PALS1: variants seen among roughly 807,000 people sequenced by gnomAD.
PALS1 encodes the protein protein PALS1.
A neutral mutation model predicts 78.9 loss-of-function variants in PALS1; 31 were observed. The observed-to-expected ratio is 0.39, with a 90% CI of 0.30 to 0.53. The LOEUF is 0.53. Ranked by LOEUF, PALS1 falls within the 20% of genes least tolerant of loss-of-function variation. PALS1 has a pLI of 0.67. For missense variants in PALS1, 704 were observed against 826.5 expected (o/e 0.85, Z 1.82); for synonymous variants, 276 against 270.9 (o/e 1.02, Z -0.18).
intron 1 of PALS1, among the ~76,000 whole-genome samples, chr14:67,268,726 G>A (rs926957185): frequency 1.6e-4 from 24 of 152,086 alleles, no homozygotes; most frequent in African/African-American, 2.2e-4. Flanking sequence ...GATTTGCCTC[G>A]CTTCTTTACC....
chr14:67,330,544 T>C (rs377093493), intron 14 of PALS1, among the ~76,000 whole-genome samples: 2 of 150,198 alleles, frequency 1.3e-5, no homozygotes, highest in African/African-American at 2.5e-5. Context: ...CTGCAACCTC[T>C]GCCTCCCGGG....
intron 14 of PALS1, among the ~76,000 whole-genome samples, chr14:67,332,244 T>C (rs953905107): frequency 2.0e-5 from 3 of 152,198 alleles, no homozygotes; most frequent in African/African-American, 7.2e-5. Flanking sequence ...AATGGCCCTT[T>C]CCTTCAGTCA....
At chr14:67,329,234 T>A (rs374733741) in intron 14 of PALS1, among the ~76,000 whole-genome samples, 1 of 152,132 alleles carries the variant, frequency 6.6e-6, no homozygotes, top group Admixed American at 6.6e-5. Context: ...ATTCTCTTTG[T>A]AGCAATTGTG....
At chr14:67,328,559 A>G (rs956610974) in intron 14 of PALS1, among the ~76,000 whole-genome samples, 3 of 152,162 alleles carry the variant, frequency 2.0e-5, no homozygotes, top group African/African-American at 4.8e-5. Context: ...GCCCATGCCT[A>G]TGTCCTGAAT....
intron 1 of PALS1, among the ~76,000 whole-genome samples, chr14:67,253,277 A>G (rs997360392): frequency 4.6e-5 from 7 of 152,196 alleles, no homozygotes; most frequent in African/African-American, 7.2e-5. Flanking sequence ...CACTCTTTCA[A>G]TGTTAGATAA....
intron 10 of PALS1, 112 bp from the exon 11 acceptor site, chr14:67,317,296 C>T: frequency 1.0e-6 from 1 of 962,190 alleles, no homozygotes. Context: ...GATCTCGTTT[C>T]TGCAAAAAAA....
chr14:67,268,663 G>A (rs1213208892), intron 1 of PALS1, among the ~76,000 whole-genome samples: 1 of 152,192 alleles, frequency 6.6e-6, no homozygotes, highest in Non-Finnish European at 1.5e-5. Flanking sequence ...CTTTTAGCAT[G>A]CTAACGCATT....
At chr14:67,313,569 T>C (rs1454270632) in intron 9 of PALS1, among the ~76,000 whole-genome samples, 1 of 152,120 alleles carries the variant, frequency 6.6e-6, no homozygotes, top group African/African-American at 2.4e-5. Flanking sequence ...AGAGCAGAAC[T>C]AAGGGAAGTT....
At chr14:67,275,921 G>A (rs1203996431) in intron 2 of PALS1, among the ~76,000 whole-genome samples, 1 of 152,182 alleles carries the variant, frequency 6.6e-6, no homozygotes, top group African/African-American at 2.4e-5. Flanking sequence ...GGTGTTTACA[G>A]TGTTCTCTGA....
chr14:67,328,059 C>T (rs2085386458), intron 14 of PALS1, among the ~76,000 whole-genome samples: 1 of 152,206 alleles, frequency 6.6e-6, no homozygotes, highest in Admixed American at 6.5e-5. Context: ...AATCACCACA[C>T]TGTCTTCCAC....
intron 4 of PALS1, among the ~76,000 whole-genome samples, chr14:67,300,529 T>C (rs1362482443): frequency 1.3e-5 from 2 of 152,134 alleles, no homozygotes; most frequent in South Asian, 2.1e-4. Flanking sequence ...TATTTTGCCA[T>C]GTTGGCCAGG....
At chr14:67,332,064 TTG>T (rs1406955539) in intron 14 of PALS1, among the ~76,000 whole-genome samples, 1 of 152,232 alleles carries the variant, frequency 6.6e-6, no homozygotes, top group East Asian at 1.9e-4. Context: ...CAATATAGTA[TTG>T]ATGTGTGACT....
intron 9 of PALS1, 152 bp downstream of exon 9, chr14:67,312,862 C>T (rs981666929): frequency 1.4e-4 from 83 of 575,996 alleles, no homozygotes; most frequent in East Asian, 5.5e-4. Flanking sequence ...GTACCTGCAG[C>T]GTAAGTATAT....
chr14:67,278,454 C>T (rs772746356), intron 2 of PALS1, among the ~76,000 whole-genome samples: 1 of 151,492 alleles, frequency 6.6e-6, no homozygotes, highest in Admixed American at 6.6e-5. Context: ...GTTTCTTATT[C>T]GTTGGGCATG....
chr14:67,310,013 A>G (rs1384808939), intron 8 of PALS1, among the ~76,000 whole-genome samples: 1 of 147,848 alleles, frequency 6.8e-6, no homozygotes, highest in Non-Finnish European at 1.5e-5. Flanking sequence ...TTGGCAAAAA[A>G]GTAACAAACA....
Position 67,325,607 on chromosome 14 carries a change from T to C in PALS1, c.1851+1795T>C, listed in dbSNP as rs1595619777. Among the ~76,000 whole-genome samples, 2 of 152,228 alleles carry C rather than the reference T, an allele frequency of 1.3e-5. 1 individual carries two copies. Among genetic ancestry groups the C allele is most frequent in the South Asian group, 4.1e-4 (2 of 4,824 alleles). ...TAAAATTTAGTGTCCAATAACTACT[T>C]TGGTAGAACAGAAACTCCATGGTTG... On this transcript the variant is annotated intron_variant, in intron 14 of 14. Transcript: ENST00000261681.
chr14:67,330,076 C>T, intron 14 of PALS1, among the ~76,000 whole-genome samples: 1 of 149,774 alleles, frequency 6.7e-6, no homozygotes, highest in Non-Finnish European at 1.5e-5. Context: ...GAATATATGC[C>T]AGACAAATGC....
intron 3 of PALS1, among the ~76,000 whole-genome samples, chr14:67,292,084 G>A (rs2084780720): frequency 6.6e-6 from 1 of 152,096 alleles, no homozygotes. Context: ...TTATGGTTTA[G>A]CCATGTAATA....
chr14:67,324,788 G>T (rs2085324833), intron 14 of PALS1, among the ~76,000 whole-genome samples: 1 of 150,754 alleles, frequency 6.6e-6, no homozygotes, highest in African/African-American at 2.4e-5. Context: ...GTCTCGCTAT[G>T]TTGCCAGGTT....
Sources: gnomAD v4.1 joint callset for allele counts (sites outside exome capture counted in the v4.1 genomes callset) on GRCh38, gnomAD v4.1.1 for gene constraint, MANE v1.5 for transcripts, NCBI Gene and HGNC (gene_info 2026-07-23, HGNC 2026-07-21) for gene names.